CRTAC1: variants seen among roughly 807,000 people sequenced by gnomAD.
CRTAC1 encodes the protein acidic secreted protein in cartilage.
CRTAC1 carries 37 observed loss-of-function variants against 67.8 expected under a neutral mutation model. The observed-to-expected ratio is 0.55, with a 90% CI of 0.42 to 0.72. CRTAC1 has a LOEUF of 0.72. CRTAC1 is among the 30% of genes least tolerant of loss of function. CRTAC1 has a pLI of 0.00. For missense variants in CRTAC1, 780 were observed against 931.6 expected, an observed-to-expected ratio of 0.84 and a Z score of 2.12; for synonymous variants, 348 against 371.0, an observed-to-expected ratio of 0.94 and a Z score of 0.71.
chr10:97,870,954 C>G (rs1018998474), intron 14 of CRTAC1: 3 of 152,130 alleles, frequency 2.0e-5, no homozygotes, highest in African/African-American at 7.2e-5. Context: ...GTATGCAACC[C>G]CCTAAAAAGG....
chr10:98,011,141 G>A lies in CRTAC1; in HGVS notation c.221C>T (p.Ala74Val), dbSNP rs779680902. Residue 74 changes from alanine (A) to valine (V), a missense_variant, in exon 2 of 15, where the codon GCG (alanine) becomes GTG (valine). Physicochemically the swap from Ala to Val is moderately conservative, Grantham distance 64 (BLOSUM62 0). Transcript: ENST00000370597. ...DHDGDFEIVV[A>V]GYNGPNLVLK... ...ACTGAGGGTGGGAGGCACTTACCCC[G>A]CCACGACGATCTCAAAGTCCCCATC... The A allele has an allele frequency of 6.8e-6, 11 of 1,613,660 alleles. No homozygotes were observed. Among genetic ancestry groups the A allele is most frequent in the Middle Eastern group, 1.6e-4 (1 of 6,062 alleles).
intron 2 of CRTAC1, among the ~76,000 whole-genome samples, chr10:97,994,418 T>C (rs192123592): frequency 9.9e-5 from 15 of 152,272 alleles, no homozygotes; most frequent in African/African-American, 3.6e-4. Flanking sequence ...GTCTGATTTA[T>C]AAGCCATAAG....
At chr10:97,922,600 C>T (rs1289075012) in intron 4 of CRTAC1, among the ~76,000 whole-genome samples, 4 of 152,218 alleles carry the variant, frequency 2.6e-5, no homozygotes, top group African/African-American at 7.2e-5. Flanking sequence ...GGGACCTAAG[C>T]CTGGGTGGGC....
At chr10:97,887,543 G>A (rs568190991) in intron 11 of CRTAC1, among the ~76,000 whole-genome samples, 8 of 152,256 alleles carry the variant, frequency 5.3e-5, no homozygotes, top group African/African-American at 1.4e-4. Context: ...CACCACCAGC[G>A]GGACTTAGTT....
At chr10:97,891,653 C>T (rs1419679638) in intron 11 of CRTAC1, among the ~76,000 whole-genome samples, 1 of 152,228 alleles carries the variant, frequency 6.6e-6, no homozygotes, top group Middle Eastern at 3.2e-3. Context: ...TCTTGGTCTT[C>T]CACAGGTTCA....
intron 4 of CRTAC1, among the ~76,000 whole-genome samples, chr10:97,918,973 C>T (rs1168123524): frequency 1.3e-5 from 2 of 151,924 alleles, no homozygotes; most frequent in African/African-American, 2.4e-5. Context: ...TTAGTAGAGA[C>T]AGGGTTTCAC....
Position 98,029,225 on chromosome 10 carries a change from C to T in CRTAC1, c.24+1224G>A, listed in dbSNP as rs1241178564. Reference sequence around the variant, plus strand: ...AGCTCTAATTCAGTCTTGGACATCTCCAGCCCCAAGTCGTCTGGGTTCCAA... The same window carrying T: ...AGCTCTAATTCAGTCTTGGACATCTTCAGCCCCAAGTCGTCTGGGTTCCAA... On this transcript the variant is annotated intron_variant, in intron 1 of 14. Transcript: ENST00000370597. This position sits in a 1 kb window ranked among gnomAD's most constrained non-coding sequence, Gnocchi z 4.7. Among the ~76,000 whole-genome samples the T allele has an allele frequency of 1.3e-5, 2 of 152,176 alleles. No individual in the cohort carries two copies. The highest frequency in any genetic ancestry group is 4.8e-5 in the African/African-American group (2 of 41,452).
At chr10:97,944,881 T>G (rs2051240495) in intron 2 of CRTAC1, among the ~76,000 whole-genome samples, 1 of 152,212 alleles carries the variant, frequency 6.6e-6, no homozygotes, top group Non-Finnish European at 1.5e-5. Flanking sequence ...GCATCTGATA[T>G]GTGAGCAAGA....
At chr10:97,928,229 C>T (rs1392653443) in intron 3 of CRTAC1, among the ~76,000 whole-genome samples, 1 of 152,026 alleles carries the variant, frequency 6.6e-6, no homozygotes, top group Non-Finnish European at 1.5e-5. Context: ...AGTAGAACCA[C>T]CATTTGCTGC....
intron 4 of CRTAC1, among the ~76,000 whole-genome samples, chr10:97,919,826 T>G (rs1484879291): frequency 6.9e-6 from 1 of 145,918 alleles, no homozygotes; most frequent in East Asian, 2.1e-4. Flanking sequence ...TCACTGCAGC[T>G]TCGACTGGGT....
intron 2 of CRTAC1, among the ~76,000 whole-genome samples, chr10:98,000,421 C>A (rs1428063832): frequency 6.6e-6 from 1 of 152,256 alleles, no homozygotes; most frequent in Non-Finnish European, 1.5e-5. Flanking sequence ...CACAGCCTTG[C>A]AGAGAGCAGG....
At position 98,029,568 on chromosome 10, in the gene CRTAC1, C is replaced by A. The variant is rs1843320958; in HGVS notation, c.24+881G>T. Among the ~76,000 whole-genome samples the A allele has an allele frequency of 6.6e-6, 1 of 151,322 alleles. No individual in the cohort carries two copies. Among genetic ancestry groups the A allele is most frequent in the East Asian group, 1.9e-4 (1 of 5,132 alleles). On this transcript the variant is annotated intron_variant, in intron 1 of 14. Transcript: ENST00000370597. The surrounding 1 kb of genome is among the most constrained non-coding windows in gnomAD (Gnocchi z 4.7). ...TTCATTAGTCATTCCTGGAGGAAGCCCCCCCAGCTCTCAACCCTAGGAGAA... is the reference window on the plus strand; with the variant it reads ...TTCATTAGTCATTCCTGGAGGAAGCACCCCCAGCTCTCAACCCTAGGAGAA...
intron 2 of CRTAC1, among the ~76,000 whole-genome samples, chr10:97,957,152 G>A (rs1041388950): frequency 1.3e-5 from 2 of 152,098 alleles, no homozygotes; most frequent in African/African-American, 4.8e-5. Context: ...CTCTCTTTGG[G>A]GAGGAGTGGG....
Position 98,030,464 on chromosome 10 carries a change from C to A in CRTAC1, c.9G>T (p.Pro3=), listed in dbSNP as rs1843350436. 2 of 1,249,276 alleles carry A rather than the reference C, an allele frequency of 1.6e-6. No homozygotes were observed. Among genetic ancestry groups the A allele is most frequent in the Non-Finnish European group, 2.0e-6 (2 of 988,926 alleles). The allele number at this position is 1,249,276 out of a possible 1,614,324, so 77.4% of individuals were successfully genotyped here. A position where few individuals can be genotyped will look rare whatever the true frequency, so the allele number is the denominator to read the frequency against. The change falls in exon 1 of 15, where the codon CCG becomes CCT. Residue 3 remains proline (P), a synonymous_variant. Transcript: ENST00000370597. The surrounding 1 kb of genome is among the most constrained non-coding windows in gnomAD (Gnocchi z 4.2). ...AGATACTCACGCCGGGGTCAGCGCT[C>A]GGAGCCATCCTCCCGCTCTCGGCCC... The part of the protein sequence containing the change: MA[P]SADPGMSRML...
At chr10:97,873,118 A>T (rs1270499337) in intron 14 of CRTAC1, among the ~76,000 whole-genome samples, 1 of 152,180 alleles carries the variant, frequency 6.6e-6, no homozygotes, top group Non-Finnish European at 1.5e-5. Context: ...TATTTTGTGG[A>T]TGAAGAAACT....
At chr10:97,866,125 T>C (rs2050021296) in intron 14 of CRTAC1, 2 of 169,672 alleles carry the variant, frequency 1.2e-5, no homozygotes, top group African/African-American at 4.7e-5. Flanking sequence ...CAGGACTCTT[T>C]CCCTTGGGCC....
At chr10:97,945,288 T>C (rs1486654768) in intron 2 of CRTAC1, among the ~76,000 whole-genome samples, 1 of 152,148 alleles carries the variant, frequency 6.6e-6, no homozygotes, top group East Asian at 1.9e-4. Flanking sequence ...GGAAGGGTAA[T>C]AAGAATACAG....
intron 4 of CRTAC1, 91 bp from the exon 5 acceptor site, chr10:97,917,747 T>G: frequency 5.6e-6 from 6 of 1,066,696 alleles, no homozygotes; most frequent in Non-Finnish European, 7.8e-6. Context: ...ACCATAGCTC[T>G]TTCACAGGGT....
At chr10:97,984,114 A>G (rs1324765561) in intron 2 of CRTAC1, among the ~76,000 whole-genome samples, 1 of 152,156 alleles carries the variant, frequency 6.6e-6, no homozygotes, top group Non-Finnish European at 1.5e-5. Flanking sequence ...TCTGCTTCCC[A>G]TGTGAAGGCG....
Sources: allele counts gnomAD v4.1 joint callset (sites outside exome capture counted in the v4.1 genomes callset), GRCh38; gene constraint gnomAD v4.1.1; non-coding constraint Gnocchi (gnomAD v3.1); transcripts MANE v1.5; gene names NCBI Gene and HGNC (gene_info 2026-07-23, HGNC 2026-07-21).